The following NR4A1 variants were observed in gnomAD, a reference collection of about 807,000 sequenced individuals.
The protein encoded by NR4A1 is nuclear receptor subfamily 4immunitygroup A member 1.
NR4A1 carries 24 observed loss-of-function variants against 47.5 expected under a neutral mutation model. The observed-to-expected ratio is 0.50, with a 90% CI of 0.37 to 0.71. The LOEUF (loss-of-function observed/expected upper bound fraction) is 0.71, where lower values mean the gene tolerates loss of function less well. Ranked by LOEUF, NR4A1 falls within the 30% of genes least tolerant of loss-of-function variation. The pLI is 0.00. For missense variants in NR4A1, 669 were observed against 788.6 expected, an observed-to-expected ratio of 0.85 and a Z score of 1.82; for synonymous variants, 353 against 345.7, an observed-to-expected ratio of 1.02 and a Z score of -0.24.
chr12:52,047,582 T>C (rs1938702910), upstream of NR4A1, among the ~76,000 whole-genome samples: 1 of 152,228 alleles, frequency 6.6e-6, no homozygotes, highest in South Asian at 2.1e-4. Context: ...GTGGCAGCTG[T>C]AGTTCCTTAT....
At chr12:52,039,708 C>T (rs1311647868) in intron 1 of NR4A1, among the ~76,000 whole-genome samples, 1 of 152,184 alleles carries the variant, frequency 6.6e-6, no homozygotes, top group Non-Finnish European at 1.5e-5. Flanking sequence ...AGATGGACAG[C>T]GTCCTTAGAT....
intron 1 of NR4A1, among the ~76,000 whole-genome samples, chr12:52,028,287 C>A (rs1938043431): frequency 6.6e-6 from 1 of 150,376 alleles, no homozygotes; most frequent in African/African-American, 2.4e-5. Flanking sequence ...AAGATACCTG[C>A]TTAAGGGGCC....
In NR4A1 at chr12:52,040,387, C is replaced by T. The variant is rs547262947; in HGVS notation, c.-83-1423C>T. On this transcript the variant is annotated intron_variant, in intron 1 of 7. Coordinates refer to the NR4A1 transcript ENST00000360284. ...CCTGACTATGGTAGGTGGTATTTGG[C>T]CCTCCCTACCCTTCCTCCTCAGCAG... is the stretch of plus-strand genomic sequence containing the variant. Among the ~76,000 whole-genome samples, 190 of 152,246 alleles carry T rather than the reference C, an allele frequency of 1.2e-3. 1 individual carries two copies. The highest frequency in any genetic ancestry group is 4.2e-3 in the African/African-American group (174 of 41,538).
At chr12:52,033,073 G>C (rs1471981550) in intron 1 of NR4A1, among the ~76,000 whole-genome samples, 3 of 152,234 alleles carry the variant, frequency 2.0e-5, no homozygotes, top group Admixed American at 6.5e-5. Flanking sequence ...GGTGTTGACC[G>C]AGCCGCAGCT....
At chr12:52,055,461 C>T (rs1939212779) in intron 2 of NR4A1, 2 of 589,604 alleles carry the variant, frequency 3.4e-6, no homozygotes, top group South Asian at 2.1e-5. Context: ...CAGATAGGAG[C>T]TGCAGGGGTG....
chr12:52,042,562 A>G (rs1159421834), intron 2 of NR4A1, among the ~76,000 whole-genome samples: 1 of 152,112 alleles, frequency 6.6e-6, no homozygotes, highest in African/African-American at 2.4e-5. Context: ...AGAGGGGAGA[A>G]ATGACTTTTC....
intron 1 of NR4A1, chr12:52,052,425 C>CA (rs1181634656): frequency 2.1e-6 from 2 of 960,324 alleles, no homozygotes; most frequent in Non-Finnish European, 2.5e-6. Context: ...GGATACCTCC[C>CA]AACCATTCCA....
intron 1 of NR4A1, among the ~76,000 whole-genome samples, chr12:52,026,641 G>A (rs561695827): frequency 5.9e-5 from 9 of 152,320 alleles, no homozygotes; most frequent in Admixed American, 1.3e-4. Flanking sequence ...CTGCCTCCTG[G>A]AATGTGCTCT....
rs1332143944 is a variant in NR4A1, at chr12:52,043,650, C to T, written c.37+1721C>T. Reference sequence around the variant, plus strand: ...CAGTCAAGAGGGCCCAAAGTGGCTCCCCCCATCCCCAGAGGCCGGCTCTGG... The same window carrying T: ...CAGTCAAGAGGGCCCAAAGTGGCTCTCCCCATCCCCAGAGGCCGGCTCTGG... On this transcript the variant is annotated intron_variant, in intron 2 of 7. Coordinates refer to the NR4A1 transcript ENST00000360284. 2.5e-6 allele frequency: 3 copies of T among 1,186,416 alleles called. No homozygotes were observed. In the East Asian group the frequency reaches 1.8e-4, roughly 69 times the overall value. 73.5% of individuals were successfully genotyped at this position (1,186,416 alleles called of 1,614,324 possible).
chr12:52,031,586 G>A (rs1426967130), intron 1 of NR4A1, among the ~76,000 whole-genome samples: 1 of 151,524 alleles, frequency 6.6e-6, no homozygotes, highest in Non-Finnish European at 1.5e-5. Flanking sequence ...GCAGTGAGCC[G>A]AGATCATGCT....
chr12:52,058,804 T>C lies in NR4A1; in HGVS notation c.1657T>C (p.Ser553Pro). ...CGAGCCCCAGCCAGCCAGCTGCCTGTCACGTCTGTTGGGCAAACTGCCCGA... is the reference window on the plus strand; with the variant it reads ...CGAGCCCCAGCCAGCCAGCTGCCTGCCACGTCTGTTGGGCAAACTGCCCGA... ...AGEPQPASCL[S>P]RLLGKLPELR... The change falls in exon 7 of 7, where the codon TCA becomes CCA. Residue 553 changes from serine (S) to proline (P), a missense_variant. Transcript: ENST00000394825. 1 of 1,613,574 alleles carries C rather than the reference T, an allele frequency of 6.2e-7. No homozygotes were observed. The highest frequency in any genetic ancestry group is 2.2e-5 in the East Asian group (1 of 44,880).
intron 1 of NR4A1, among the ~76,000 whole-genome samples, chr12:52,036,084 T>C (rs541079482): frequency 7.6e-4 from 115 of 152,264 alleles, no homozygotes; most frequent in African/African-American, 2.7e-3. Flanking sequence ...GCAGAGATGG[T>C]AACCCCCAAC....
chr12:52,041,898 G>C, exon 2 of NR4A1: 1 of 1,521,742 alleles, frequency 6.6e-7, no homozygotes, highest in Non-Finnish European at 8.8e-7. Flanking sequence ...GGATAATGTG[G>C]TTGGCCAAGG....
Position 52,056,409 on chromosome 12 carries a change from C to T in NR4A1, c.1007-85C>T, listed in dbSNP as rs973722303. Reference sequence around the variant, plus strand: ...TGGGTCCTAGGGACTCGGTGGGGCGCGTCTCAGCAGTGGTGTGCACGGCTT... The same window carrying T: ...TGGGTCCTAGGGACTCGGTGGGGCGTGTCTCAGCAGTGGTGTGCACGGCTT... On this transcript the variant is annotated intron_variant, in intron 3 of 6. Coordinates refer to ENST00000394825, the MANE Select transcript of NR4A1 (RefSeq NM_173157.3). The T allele has an allele frequency of 1.0e-5, 16 of 1,536,264 alleles. No homozygotes were observed. In the South Asian group the frequency reaches 1.1e-4, roughly 10 times the overall value.
chr12:52,036,996 G>T (rs1938256594), intron 1 of NR4A1, among the ~76,000 whole-genome samples: 1 of 152,192 alleles, frequency 6.6e-6, no homozygotes, highest in African/African-American at 2.4e-5. Flanking sequence ...GTGCGGCGTG[G>T]GGGGAGCCGC....
chr12:52,029,993 C>T (rs950754253), intron 1 of NR4A1, among the ~76,000 whole-genome samples: 1 of 152,330 alleles, frequency 6.6e-6, no homozygotes, highest in Admixed American at 6.5e-5. Context: ...CAGCAGCACA[C>T]CCCTAGAAGT....
chr12:52,025,585 A>C (rs561169219), intron 1 of NR4A1, among the ~76,000 whole-genome samples: 96 of 152,248 alleles, frequency 6.3e-4, no homozygotes, highest in African/African-American at 2.3e-3. Flanking sequence ...ATTCGCTAGC[A>C]GCTCACCCGG....
chr12:52,058,692 G>A lies in NR4A1; in HGVS notation c.1545G>A (p.Arg515=). The change falls in exon 7 of 7, where the codon CGG becomes CGA. Residue 515 remains arginine, a synonymous_variant. Coordinates refer to ENST00000394825, the MANE Select transcript of NR4A1 (RefSeq NM_173157.3). ...CLSALVLITD[R]HGLQEPRRVE... is the part of the protein sequence containing the mutation. Reference sequence around the variant, plus strand: ...AATCCTGTACCCTTCCCGCAGACCGGCATGGGCTGCAGGAGCCGCGGCGGG... The same window carrying A: ...AATCCTGTACCCTTCCCGCAGACCGACATGGGCTGCAGGAGCCGCGGCGGG... 6.2e-7 allele frequency: 1 copy of A among 1,602,878 alleles called. No individual in the cohort carries two copies. Among genetic ancestry groups the A allele is most frequent in the South Asian group, 1.1e-5 (1 of 90,108 alleles).
chr12:52,025,845 G>A (rs114472858), intron 1 of NR4A1, among the ~76,000 whole-genome samples: 185 of 152,318 alleles, frequency 1.2e-3, no homozygotes, highest in African/African-American at 3.7e-3. Context: ...GGGCACCACC[G>A]TACAGCACTT....
Sources: allele counts gnomAD v4.1 joint callset (sites outside exome capture counted in the v4.1 genomes callset), GRCh38; gene constraint gnomAD v4.1.1; transcripts MANE v1.5; gene names NCBI Gene and HGNC (gene_info 2026-07-23, HGNC 2026-07-21).